The following NAP1L4 variants were observed in gnomAD, a reference collection of about 807,000 sequenced individuals.
The protein encoded by NAP1L4 is nucleosome assembly protein 1-like 4.
NAP1L4 carries 15 observed loss-of-function variants against 58.2 expected under a neutral mutation model. The ratio of observed to expected loss-of-function variants is 0.26; its 90% CI spans 0.17 to 0.40. The LOEUF (loss-of-function observed/expected upper bound fraction) is 0.40. NAP1L4 is among the 10% of genes least tolerant of loss of function. The probability of loss-of-function intolerance (pLI) is 1.00; values close to 1 mark genes in which losing one functional copy is unlikely to be tolerated. For missense variants in NAP1L4, 384 were observed against 451.1 expected (o/e 0.85, Z 1.35); for synonymous variants, 171 against 155.6 (o/e 1.10, Z -0.74).
intron 9 of NAP1L4, 53 bp from the exon 10 acceptor site, chr11:2,958,597 T>C: frequency 1.9e-6 from 3 of 1,565,834 alleles, no homozygotes; most frequent in East Asian, 2.2e-5. Flanking sequence ...AAAAATCCAT[T>C]ACAAATGCAT....
chr11:2,954,779 G>A lies in NAP1L4; in HGVS notation c.916-133C>T, dbSNP rs754364206. The A allele has an allele frequency of 1.5e-5, 17 of 1,168,156 alleles. No homozygotes were observed. Among genetic ancestry groups the A allele is most frequent in the Middle Eastern group, 3.9e-4 (2 of 5,168 alleles). The allele number at this position is 1,168,156 out of a possible 1,614,324, so 72.4% of individuals were successfully genotyped here. Reference sequence around the variant, plus strand: ...AACACCAAACTCCTGCACTGCTGGGGGACAGCCACTAGACACTCAAAGCCC... The same window carrying A: ...AACACCAAACTCCTGCACTGCTGGGAGACAGCCACTAGACACTCAAAGCCC... On this transcript the variant is annotated intron_variant, in intron 11 of 15. Transcript: ENST00000380542. The surrounding 1 kb of genome is among the most constrained non-coding windows in gnomAD (Gnocchi z 4.8).
intron 1 of NAP1L4, among the ~76,000 whole-genome samples, chr11:2,984,504 G>T (rs532433512): frequency 6.6e-6 from 1 of 152,170 alleles, no homozygotes; most frequent in Non-Finnish European, 1.5e-5. Flanking sequence ...CCAGGAGGCG[G>T]AAGTTGCAGT....
In NAP1L4 at chr11:2,971,422, T is replaced by G; in HGVS notation, c.402+26A>C. 2.5e-4 allele frequency: 394 copies of G among 1,594,030 alleles called. No homozygotes were observed. The highest frequency in any genetic ancestry group is 3.2e-4 in the Non-Finnish European group (367 of 1,163,440). On this transcript the variant is annotated intron_variant, in intron 6 of 15. Transcript: ENST00000380542. This position sits in a 1 kb window ranked among gnomAD's most constrained non-coding sequence, Gnocchi z 4.2. ...TTTTTAACAGTATTAAAACAGAACA[T>G]GAGTCACATGTTTCTAAAGACTTAC...
chr11:2,963,954 G>A (rs1847104907), intron 8 of NAP1L4: 1 of 511,996 alleles, frequency 2.0e-6, no homozygotes, highest in South Asian at 1.4e-5. Flanking sequence ...TGAGCATATG[G>A]TTCCTCAGAT....
intron 5 of NAP1L4, 89 bp downstream of exon 5, chr11:2,972,013 G>A: frequency 1.5e-6 from 2 of 1,334,524 alleles, no homozygotes; most frequent in Non-Finnish European, 2.0e-6. Flanking sequence ...TCTTACCCTA[G>A]ATGTTGTCAA....
At chr11:2,961,031 G>A (rs1183900269) in intron 8 of NAP1L4, among the ~76,000 whole-genome samples, 2 of 152,038 alleles carry the variant, frequency 1.3e-5, no homozygotes, top group African/African-American at 4.8e-5. Flanking sequence ...GAGCTGCCTT[G>A]GTGGTTAATC....
At chr11:2,956,002 G>A (rs1287808782) in intron 10 of NAP1L4, among the ~76,000 whole-genome samples, 1 of 148,256 alleles carries the variant, frequency 6.7e-6, no homozygotes. Context: ...CCTCCATCAT[G>A]TGCCATGGGC....
In NAP1L4 at chr11:2,963,653, C is replaced by A. The variant is rs1340630331; in HGVS notation, c.606+1027G>T. 6.4e-6 allele frequency: 3 copies of A among 466,750 alleles called. No individual in the cohort carries two copies. The Admixed American group carries it at 6.7e-5, about 10-fold the overall frequency. 28.9% of individuals were successfully genotyped at this position (466,750 alleles called of 1,614,324 possible). ...AAATCCCACTCCTAGTGGCCCTCAT[C>A]CATTAGCCCAGGCCCCAGTGCTGAG... On this transcript the variant is annotated intron_variant, in intron 8 of 15. Transcript: ENST00000380542.
At chr11:2,977,968 A>G (rs1177326434) in intron 3 of NAP1L4, among the ~76,000 whole-genome samples, 1 of 151,968 alleles carries the variant, frequency 6.6e-6, no homozygotes, top group African/African-American at 2.4e-5. Flanking sequence ...GGAGTCCAAG[A>G]CCAGCCTGGG....
Position 2,951,234 on chromosome 11 carries a change from T to C in NAP1L4, c.1122+25A>G, listed in dbSNP as rs200497985. ...CTAAGAGTGCAGCATAATAAGTAGG[T>C]CTGGGTGGCCCCAAAGTTACCAACC... On this transcript the variant is annotated intron_variant, in intron 14 of 15. Transcript: ENST00000380542. The surrounding 1 kb of genome is among the most constrained non-coding windows in gnomAD (Gnocchi z 4.0). The C allele has an allele frequency of 3.5e-5, 56 of 1,606,042 alleles. No individual in the cohort carries two copies. In the East Asian group the frequency reaches 1.1e-3, roughly 32 times the overall value.
In NAP1L4 at chr11:2,954,697, T is replaced by C; in HGVS notation, c.916-51A>G. 1 of 1,611,902 alleles carries C rather than the reference T, an allele frequency of 6.2e-7. No homozygotes were observed. Among genetic ancestry groups the C allele is most frequent in the Non-Finnish European group, 8.5e-7 (1 of 1,178,596 alleles). On this transcript the variant is annotated intron_variant, in intron 11 of 15. Transcript: ENST00000380542. The surrounding 1 kb of genome is among the most constrained non-coding windows in gnomAD (Gnocchi z 4.8). Reference sequence around the variant, plus strand: ...ACTCATTTTAATGGGATAAAAACATTCACTTCACCACCCTCAGCCAAACCT... The same window carrying C: ...ACTCATTTTAATGGGATAAAAACATCCACTTCACCACCCTCAGCCAAACCT...
At chr11:2,979,481 A>C (rs777047457) in intron 1 of NAP1L4, among the ~76,000 whole-genome samples, 15 of 152,172 alleles carry the variant, frequency 9.9e-5, no homozygotes, top group Non-Finnish European at 2.1e-4. Context: ...TACTCATAAA[A>C]AAATTTCTCG....
intron 8 of NAP1L4, among the ~76,000 whole-genome samples, chr11:2,963,098 C>CAAAAAAAAAAAA (rs55650724): frequency 2.1e-5 from 2 of 97,092 alleles, no homozygotes; most frequent in Admixed American, 1.2e-4. Context: ...GACTCGGTCT[C>CAAAAAAAAAAAA]AAAAAAAAAA....
rs913124013 is a variant in NAP1L4 at position 2,959,726 on chromosome 11, T to C, written c.746+44A>G. On this transcript the variant is annotated intron_variant, in intron 9 of 15. Transcript: ENST00000380542. This position sits in a 1 kb window ranked among gnomAD's most constrained non-coding sequence, Gnocchi z 4.9. ...ACCCATCAAGTTACAAAATTATCTT[T>C]TGATTTTGTTTCAGAAAAACAAGGT... 3 of 1,604,896 alleles carry C rather than the reference T, an allele frequency of 1.9e-6. No homozygotes were observed. The highest frequency in any genetic ancestry group is 1.3e-5 in the African/African-American group (1 of 74,456).
chr11:2,966,488 C>A (rs540492035), intron 7 of NAP1L4, among the ~76,000 whole-genome samples: 48 of 152,150 alleles, frequency 3.2e-4, no homozygotes, highest in Non-Finnish European at 6.2e-4. Flanking sequence ...CTTCGGTGAG[C>A]TGTTTTTGTA....
intron 12 of NAP1L4, among the ~76,000 whole-genome samples, chr11:2,952,945 C>T (rs1846317292): frequency 8.7e-6 from 1 of 114,928 alleles, no homozygotes; most frequent in Non-Finnish European, 1.8e-5. Context: ...TAGAAAGTAA[C>T]ATTAGTAAAA....
chr11:2,958,350 A>G, intron 10 of NAP1L4, 49 bp downstream of exon 10: 1 of 1,602,016 alleles, frequency 6.2e-7, no homozygotes, highest in Non-Finnish European at 8.5e-7. Context: ...AGGTGACCAA[A>G]ATTATTTTAT....
chr11:2,956,997 T>C (rs1219499870), intron 10 of NAP1L4, among the ~76,000 whole-genome samples: 1 of 152,128 alleles, frequency 6.6e-6, no homozygotes, highest in Non-Finnish European at 1.5e-5. Context: ...AGGCATACAC[T>C]CTAAATGTAC....
In NAP1L4 at chr11:2,951,648, A is replaced by G. The variant is rs796518584; in HGVS notation, c.1065+132T>C. ...CATTTCTGCTTAGTGTTTTAAGAAC[A>G]TTCTTAGAATCAAAGACAGCGTCAC... On this transcript the variant is annotated intron_variant, in intron 13 of 15. Coordinates refer to ENST00000380542, the MANE Select transcript of NAP1L4 (RefSeq NM_005969.4). The surrounding 1 kb of genome is among the most constrained non-coding windows in gnomAD (Gnocchi z 4.0). 1.2e-6 allele frequency: 1 copy of G among 859,942 alleles called. No individual in the cohort carries two copies. The highest frequency in any genetic ancestry group is 1.5e-5 in the South Asian group (1 of 67,568). 53.3% of individuals were successfully genotyped at this position (859,942 alleles called of 1,614,324 possible).
Sources: gnomAD v4.1 joint callset for allele counts (sites outside exome capture counted in the v4.1 genomes callset) on GRCh38, gnomAD v4.1.1 for gene constraint, Gnocchi (gnomAD v3.1) non-coding constraint, MANE v1.5 for transcripts, NCBI Gene and HGNC (gene_info 2026-07-23, HGNC 2026-07-21) for gene names.